Variants in CRAMP1 observed in about 807,000 individuals in gnomAD.
CRAMP1 encodes cramped chromatin regulator 1, also known as protein cramped-like.
In CRAMP1, 50 loss-of-function variants were observed where a neutral mutation model predicts 115.4. That is an observed-to-expected ratio of 0.43 (90% CI 0.35 to 0.55). The LOEUF (loss-of-function observed/expected upper bound fraction) is 0.55. Among genes scored for constraint, CRAMP1 ranks in the 20% least tolerant of loss-of-function variants. The probability of loss-of-function intolerance (pLI) is 0.01; values close to 1 mark genes in which losing one functional copy is unlikely to be tolerated. For synonymous variants in CRAMP1, 866 were observed against 745.4 expected (o/e 1.16, Z -2.64); for missense variants, 1,679 against 1,721.7 (o/e 0.98, Z 0.44).
intron 5 of CRAMP1, among the ~76,000 whole-genome samples, chr16:1,640,146 T>C (rs2036620319): frequency 6.6e-6 from 1 of 152,234 alleles, no homozygotes; most frequent in Admixed American, 6.5e-5. Flanking sequence ...TGGCTTTGTT[T>C]CCTTTCTTTC....
chr16:1,669,707 G>A lies in CRAMP1; in HGVS notation c.3499+542G>A, dbSNP rs369616313. Among the ~76,000 whole-genome samples the A allele has an allele frequency of 2.0e-5, 3 of 152,216 alleles. No individual in the cohort carries two copies. The highest frequency in any genetic ancestry group is 1.3e-4 in the Admixed American group (2 of 15,286). On this transcript the variant is annotated intron_variant, in intron 19 of 20. Transcript: ENST00000397412. This position sits in a 1 kb window ranked among gnomAD's most constrained non-coding sequence, Gnocchi z 4.6. ...GTAGCAAGTGTGGCAGGAAGGGGGTGTATCAGGGAAAGGCACACCCTGCTG... is the reference window on the plus strand; with the variant it reads ...GTAGCAAGTGTGGCAGGAAGGGGGTATATCAGGGAAAGGCACACCCTGCTG...
rs967429326 is a variant in CRAMP1, at chr16:1,662,661, A to G, written c.2585A>G (p.Asn862Ser). 1 of 1,613,796 alleles carries G rather than the reference A, an allele frequency of 6.2e-7. No individual in the cohort carries two copies. Among genetic ancestry groups the G allele is most frequent in the African/African-American group, 1.3e-5 (1 of 74,890 alleles). ...GAGCTGACTTTCCGCCAGCATCTGA[A>G]CTCCATCAGTGTGAGTGTGTGGGGC... ...EAELTFRQHL[N>S]SISMQSDFFL... The change falls in exon 12 of 21, where the codon AAC (asparagine) becomes AGC (serine). Residue 862 changes from asparagine (N) to serine (S), a missense_variant. Around this residue, in one of 8 missense-constraint regions of CRAMP1, gnomAD observed 709 missense variants for 741.9 expected, o/e 0.96. Coordinates refer to ENST00000397412, the MANE Select transcript of CRAMP1 (RefSeq NM_020825.4).
chr16:1,632,972 A>C (rs2036558711), intron 4 of CRAMP1, among the ~76,000 whole-genome samples: 1 of 152,168 alleles, frequency 6.6e-6, no homozygotes, highest in South Asian at 2.1e-4. Context: ...TCCGCCTATG[A>C]GAACTACCTC....
chr16:1,670,747 A>G lies in CRAMP1; in HGVS notation c.3583A>G (p.Ser1195Gly). The stretch of plus-strand genomic sequence containing the variant: ...CAGTGGCACTTCCTTGCTTGGCCCC[A>G]GCTTGTTGGATGGAAACTCGCGGGA... ...TNSGTSLLGP[S>G]LLDGNSRDSF... Residue 1195 changes from serine (S) to glycine (G), a missense_variant, in exon 20 of 21, where the codon AGC becomes GGC. By Grantham distance (56) the Ser-to-Gly change is moderately conservative (BLOSUM62 0). Coordinates refer to ENST00000397412, the MANE Select transcript of CRAMP1 (RefSeq NM_020825.4). The G allele has an allele frequency of 6.2e-7, 1 of 1,613,972 alleles. No homozygotes were observed. The highest frequency in any genetic ancestry group is 8.5e-7 in the Non-Finnish European group (1 of 1,179,876).
At position 1,666,585 on chromosome 16, in the gene CRAMP1, C is replaced by T; in HGVS notation, c.3021C>T (p.Thr1007=). The T allele has an allele frequency of 2.5e-6, 4 of 1,613,802 alleles. No homozygotes were observed. Among genetic ancestry groups the T allele is most frequent in the Non-Finnish European group, 2.5e-6 (3 of 1,179,812 alleles). Residue 1007 remains threonine (T), a synonymous_variant, in exon 16 of 21, where the codon ACC becomes ACT. Transcript: ENST00000397412. This position sits in a 1 kb window ranked among gnomAD's most constrained non-coding sequence, Gnocchi z 5.0. ...CTGGAACTCACCAGGATGGAGACAC[C>T]CTCCCCACCGTGGGGGTGAGTATGT... ...DSTGTHQDGD[T]LPTVGGSDPF... is the part of the protein sequence containing the mutation.
At position 1,656,150 on chromosome 16, in the gene CRAMP1, C is replaced by T. The variant is rs767330217; in HGVS notation, c.1393C>T (p.Arg465Trp). ...GGCCCGGGGCCAGGTGAAATGCCCG[C>T]GGAGCGGAGCTGAGGGCAAGGGTGT... ...GTARGQVKCP[R>W]SGAEGKGVGR... The change falls in exon 10 of 21, where the codon CGG becomes TGG. Residue 465 changes from arginine (R) to tryptophan (W), a missense_variant. Physicochemically the swap from Arg to Trp is moderately radical, Grantham distance 101 (BLOSUM62 -3). Transcript: ENST00000397412. The surrounding 1 kb of genome is among the most constrained non-coding windows in gnomAD (Gnocchi z 5.6). 1.8e-5 allele frequency: 29 copies of T among 1,607,310 alleles called. No homozygotes were observed. Among genetic ancestry groups the T allele is most frequent in the Non-Finnish European group, 2.3e-5 (27 of 1,177,690 alleles).
rs138591054 is a variant in CRAMP1, at chr16:1,667,712, C to G, written c.3103-250C>G. Among the ~76,000 whole-genome samples the G allele has an allele frequency of 5.4e-3, 821 of 152,336 alleles. 9 individuals carry two copies. Among genetic ancestry groups the G allele is most frequent in the African/African-American group, 0.018 (745 of 41,580 alleles). ...GTCAGCTAGTAACTCCCCCAGCCCCCACTCTCTTTCTGGCAGCAGTCAAAG... is the reference window on the plus strand; with the variant it reads ...GTCAGCTAGTAACTCCCCCAGCCCCGACTCTCTTTCTGGCAGCAGTCAAAG... On this transcript the variant is annotated intron_variant, in intron 17 of 20. Transcript: ENST00000397412.
At chr16:1,644,401 A>G (rs2036656891) in intron 6 of CRAMP1, among the ~76,000 whole-genome samples, 1 of 152,296 alleles carries the variant, frequency 6.6e-6, no homozygotes, top group Non-Finnish European at 1.5e-5. Flanking sequence ...TGGCACAGGA[A>G]TGGGTGCTCG....
chr16:1,625,921 C>T, intron 2 of CRAMP1, 52 bp from the exon 3 acceptor site: 2 of 1,539,294 alleles, frequency 1.3e-6, no homozygotes, highest in Non-Finnish European at 1.8e-6. Context: ...TCTACCCTGC[C>T]CAGCCCGCCA....
In CRAMP1 at chr16:1,674,114, G is replaced by A; in HGVS notation, c.*69G>A. 1 of 1,496,312 alleles carries A rather than the reference G, an allele frequency of 6.7e-7. No individual in the cohort carries two copies. The highest frequency in any genetic ancestry group is 9.1e-7 in the Non-Finnish European group (1 of 1,102,756). 92.7% of individuals were successfully genotyped at this position (1,496,312 alleles called of 1,614,324 possible). On this transcript the variant is annotated 3_prime_UTR_variant, in exon 21 of 21. Transcript: ENST00000397412. ...AAAATAGATAAGCCCAGCAGCCCCA[G>A]AAGATGGTCTGAACAGAGGCATCTC...
chr16:1,670,339 G>A (rs1264476476), intron 19 of CRAMP1: 2 of 303,824 alleles, frequency 6.6e-6, no homozygotes, highest in East Asian at 1.3e-4. Context: ...GGTGGGGATG[G>A]CAGTGAGGGT....
chr16:1,614,227 G>C lies in CRAMP1; in HGVS notation c.-1-412G>C, dbSNP rs1275458683. On this transcript the variant is annotated intron_variant, in intron 1 of 20. Transcript: ENST00000397412. This position sits in a 1 kb window ranked among gnomAD's most constrained non-coding sequence, Gnocchi z 4.4. ...GGGCCAGGCCATGAGCCGCGGCCCC[G>C]CCGGGTAGGTGGCTGTGGGCGGGGC... Among the ~76,000 whole-genome samples the C allele has an allele frequency of 6.8e-6, 1 of 147,598 alleles. No homozygotes were observed. Among genetic ancestry groups the C allele is most frequent in the Non-Finnish European group, 1.5e-5 (1 of 66,198 alleles).
Position 1,657,589 on chromosome 16 carries a change from A to G in CRAMP1, c.2235+597A>G, listed in dbSNP as rs1394073491. On this transcript the variant is annotated intron_variant, in intron 10 of 20. Transcript: ENST00000397412. The stretch of plus-strand genomic sequence containing the variant: ...AAGTCAGAGGCTGTCACAGAAGAGC[A>G]GGGATGCGGTGCCGCAGCAGAATAG... Among the ~76,000 whole-genome samples the G allele has an allele frequency of 2.6e-5, 4 of 152,244 alleles. No individual in the cohort carries two copies. In the East Asian group the frequency reaches 5.8e-4, roughly 22 times the overall value.
intron 2 of CRAMP1, among the ~76,000 whole-genome samples, chr16:1,620,152 A>G (rs1289421176): frequency 6.6e-6 from 1 of 152,136 alleles, no homozygotes; most frequent in Non-Finnish European, 1.5e-5. Flanking sequence ...CTCTGGCTCC[A>G]AGACCAGAGC....
chr16:1,624,640 G>A (rs566489071), intron 2 of CRAMP1, among the ~76,000 whole-genome samples: 4 of 152,092 alleles, frequency 2.6e-5, no homozygotes, highest in South Asian at 2.1e-4. Flanking sequence ...GTGCAGTGGC[G>A]CGATCTCGGC....
At chr16:1,670,830 G>A (rs1383288740) in intron 20 of CRAMP1, 21 bp downstream of exon 20, 1 of 1,611,362 alleles carries the variant, frequency 6.2e-7, no homozygotes, top group Admixed American at 1.7e-5. Context: ...TGACCTCACA[G>A]CTGCACCTGA....
chr16:1,665,431 G>C (rs903353368), intron 14 of CRAMP1, among the ~76,000 whole-genome samples: 5 of 152,126 alleles, frequency 3.3e-5, no homozygotes, highest in East Asian at 1.9e-4. Context: ...TGCTCTCTCT[G>C]TGTAATGTCT....
intron 4 of CRAMP1, among the ~76,000 whole-genome samples, chr16:1,633,671 G>A (rs933812579): frequency 1.3e-5 from 2 of 152,346 alleles, no homozygotes; most frequent in Middle Eastern, 6.8e-3. Context: ...ATGTCAGGTT[G>A]TGGTGAGTGG....
Position 1,660,052 on chromosome 16 carries a change from C to A in CRAMP1, c.2402C>A (p.Pro801His). ...AAGACCTTCCCGCCCAGCTCTGCACCCTGCTCCTCAGGTGAGGCTGTGGCA... is the reference window on the plus strand; with the variant it reads ...AAGACCTTCCCGCCCAGCTCTGCACACTGCTCCTCAGGTGAGGCTGTGGCA... The part of the protein sequence containing the change: ...SSKTFPPSSA[P>H]CSSGLRNPPR... Residue 801 changes from proline to histidine, a missense_variant, in exon 11 of 21, where the codon CCC becomes CAC. Coordinates refer to ENST00000397412, the MANE Select transcript of CRAMP1 (RefSeq NM_020825.4). The A allele has an allele frequency of 6.3e-7, 1 of 1,580,496 alleles. No homozygotes were observed. Among genetic ancestry groups the A allele is most frequent in the Admixed American group, 1.8e-5 (1 of 55,836 alleles).
Sources: allele counts gnomAD v4.1 joint callset (sites outside exome capture counted in the v4.1 genomes callset), GRCh38; gene constraint gnomAD v4.1.1; regional missense constraint gnomAD v4.1.1; non-coding constraint Gnocchi (gnomAD v3.1); transcripts MANE v1.5; gene names NCBI Gene and HGNC (gene_info 2026-07-23, HGNC 2026-07-21).